The following P4HA2 variants were observed in gnomAD, a reference collection of about 807,000 sequenced individuals.
P4HA2 encodes prolyl 4-hydroxylase subunit alpha-2.
P4HA2 carries 46 observed loss-of-function variants against 76.9 expected under a neutral mutation model. The ratio of observed to expected loss-of-function variants is 0.60; its 90% CI spans 0.47 to 0.76. The LOEUF (loss-of-function observed/expected upper bound fraction) is 0.76. P4HA2 is among the 30% of genes least tolerant of loss of function. P4HA2 has a pLI of 0.00. For synonymous variants in P4HA2, 243 were observed against 254.0 expected, an observed-to-expected ratio of 0.96 and a Z score of 0.41; for missense variants, 583 against 669.4, an observed-to-expected ratio of 0.87 and a Z score of 1.42.
In P4HA2 at chr5:132,192,659, A is replaced by G. The variant is rs150381775; in HGVS notation, c.*351T>C. The G allele has an allele frequency of 4.9e-6, 1 of 202,610 alleles. No homozygotes were observed. Among genetic ancestry groups the G allele is most frequent in the African/African-American group, 2.3e-5 (1 of 43,768 alleles). 12.6% of individuals were successfully genotyped at this position (202,610 alleles called of 1,614,324 possible). On this transcript the variant is annotated 3_prime_UTR_variant, in exon 15 of 15. Coordinates refer to ENST00000360568, the MANE Select transcript of P4HA2 (RefSeq NM_001017974.2). ...TTATTTTTTGGTAAAGCCACAATAG[A>G]TAGAAATGCCATAAAAACAAACATG...
intron 5 of P4HA2, 37 bp downstream of exon 5, chr5:132,213,879 A>C: frequency 6.2e-7 from 1 of 1,608,570 alleles, no homozygotes; most frequent in Non-Finnish European, 8.5e-7. Context: ...CTAAAGAGAC[A>C]CATGCGGGAC....
At chr5:132,201,045 C>G (rs1212891125) in intron 10 of P4HA2, 1 of 152,236 alleles carries the variant, frequency 6.6e-6, no homozygotes, top group African/African-American at 2.4e-5. Context: ...TAACAAGAAA[C>G]TGTACGTCAA....
At chr5:132,221,835 A>C (rs1754688641) in intron 1 of P4HA2, among the ~76,000 whole-genome samples, 1 of 152,242 alleles carries the variant, frequency 6.6e-6, no homozygotes, top group Non-Finnish European at 1.5e-5. Context: ...CCCCCACAGG[A>C]AAGTCCTGCA....
chr5:132,204,282 T>C, intron 8 of P4HA2, 130 bp from the exon 9 acceptor site: 2 of 738,900 alleles, frequency 2.7e-6, no homozygotes, highest in Non-Finnish European at 4.7e-6. Context: ...CCAATGGCTC[T>C]AGCCAAGGCC....
chr5:132,226,674 G>A (rs915533399), intron 1 of P4HA2: 3 of 152,246 alleles, frequency 2.0e-5, no homozygotes, highest in Non-Finnish European at 4.4e-5. Flanking sequence ...AAGTCAAATA[G>A]AATACAAAGG....
intron 1 of P4HA2, among the ~76,000 whole-genome samples, chr5:132,226,047 GC>G (rs138941287): frequency 0.013 from 1,909 of 152,304 alleles, 41 homozygotes; most frequent in African/African-American, 0.044. Context: ...GTGGGGAGAA[GC>G]AACCAGAGAG....
At position 132,210,364 on chromosome 5, in the gene P4HA2, A is replaced by G. The variant is rs1159395285; in HGVS notation, c.629T>C (p.Leu210Pro). The G allele has an allele frequency of 6.2e-7, 1 of 1,614,140 alleles. No individual in the cohort carries two copies. ...EEATTTKSQV[L>P]DYLSYAVFQL... ...GAAGACAGCATAGCTGAGGTAGTCC[A>G]GCACCTGTGACTTGGTTGTGGTGGC... The change falls in exon 6 of 15, where the codon CTG becomes CCG. Residue 210 changes from leucine to proline, a missense_variant. Leu to Pro is a moderately conservative substitution (Grantham distance 98, BLOSUM62 -3). Coordinates refer to ENST00000360568, the MANE Select transcript of P4HA2 (RefSeq NM_001017974.2).
intron 12 of P4HA2, among the ~76,000 whole-genome samples, chr5:132,196,609 C>G (rs1421132847): frequency 6.6e-6 from 1 of 152,180 alleles, no homozygotes; most frequent in East Asian, 1.9e-4. Flanking sequence ...GCCTGTAATG[C>G]CAGCACTTTG....
At chr5:132,223,204 T>C (rs1754872453) in intron 1 of P4HA2, among the ~76,000 whole-genome samples, 1 of 152,300 alleles carries the variant, frequency 6.6e-6, no homozygotes, top group South Asian at 2.1e-4. Context: ...ACCAAGTACA[T>C]CTCTGTGCAG....
At chr5:132,209,913 C>T (rs923864247) in intron 6 of P4HA2, among the ~76,000 whole-genome samples, 1 of 152,160 alleles carries the variant, frequency 6.6e-6, no homozygotes, top group Non-Finnish European at 1.5e-5. Context: ...AGCACCGCTA[C>T]TGTTTGTCAC....
chr5:132,224,329 C>T, intron 1 of P4HA2, among the ~76,000 whole-genome samples: 1 of 152,212 alleles, frequency 6.6e-6, no homozygotes, highest in Non-Finnish European at 1.5e-5. Context: ...AGAGACAATA[C>T]TAGGACCTAT....
intron 1 of P4HA2, among the ~76,000 whole-genome samples, chr5:132,226,130 GC>G (rs1755367054): frequency 6.6e-6 from 1 of 152,190 alleles, no homozygotes; most frequent in African/African-American, 2.4e-5. Context: ...TTAAGTACAA[GC>G]CAAAGGAAAT....
chr5:132,204,304 C>A, intron 8 of P4HA2, 152 bp from the exon 9 acceptor site: 1 of 664,678 alleles, frequency 1.5e-6, no homozygotes, highest in Admixed American at 2.4e-5. Context: ...CAAGATCCTG[C>A]AGGCCAGTTG....
rs1754048407 is a variant in P4HA2, at chr5:132,217,321, A to G, written c.207T>C (p.Thr69=). 4 of 1,614,166 alleles carry G rather than the reference A, an allele frequency of 2.5e-6. No homozygotes were observed. Among genetic ancestry groups the G allele is most frequent in the Non-Finnish European group, 3.4e-6 (4 of 1,179,996 alleles). ...CCTCAGCATCAGCAGCTGACTTGCT[A>G]GTCAAGGCTTCCATTTTGTTGGCCC... The part of the protein sequence containing the change: ...KSWANKMEAL[T]SKSAADAEGY... The change falls in exon 4 of 15, where the codon ACT becomes ACC. Residue 69 remains threonine, a synonymous_variant. Coordinates refer to ENST00000360568, the MANE Select transcript of P4HA2 (RefSeq NM_001017974.2).
rs185458458 is a variant in P4HA2 at position 132,195,139 on chromosome 5, G to T, written c.1435-117C>A. 1.5e-3 allele frequency: 1,091 copies of T among 733,158 alleles called. 3 individuals are homozygous for T. The highest frequency in any genetic ancestry group is 2.3e-3 in the Non-Finnish European group (932 of 412,372). The allele number at this position is 733,158 out of a possible 1,614,324, so 45.4% of individuals were successfully genotyped here. ...AAACACCCTCATTTTCCCATGGACA[G>T]GGGATAGGGCTCTGGGACTCCAGCA... On this transcript the variant is annotated intron_variant, in intron 13 of 14. Coordinates refer to ENST00000360568, the MANE Select transcript of P4HA2 (RefSeq NM_001017974.2).
chr5:132,226,346 G>A (rs1401924107), intron 1 of P4HA2, among the ~76,000 whole-genome samples: 1 of 152,168 alleles, frequency 6.6e-6, no homozygotes, highest in African/African-American at 2.4e-5. Context: ...CCTACAAGAG[G>A]GCTGGGGCTG....
At chr5:132,198,967 G>A in intron 10 of P4HA2, 35 bp from the exon 11 acceptor site, 1 of 1,419,244 alleles carries the variant, frequency 7.0e-7, no homozygotes, top group African/African-American at 1.4e-5. Flanking sequence ...CTTGTAAGCA[G>A]CATGAACAGC....
At position 132,210,508 on chromosome 5, in the gene P4HA2, G is replaced by A; in HGVS notation, c.485C>T (p.Ala162Val). The change falls in exon 6 of 15, where the codon GCA (alanine) becomes GTA (valine). Residue 162 changes from alanine to valine, a missense_variant. Coordinates refer to ENST00000360568, the MANE Select transcript of P4HA2 (RefSeq NM_001017974.2). Reference sequence around the variant, plus strand: ...AAAGCAGTCATCCACACTCAGCATTGCCTGGTACTTGGTTCCTACAGCAGG... The same window carrying A: ...AAAGCAGTCATCCACACTCAGCATTACCTGGTACTTGGTTCCTACAGCAGG... Reference protein sequence around the residue: ...RGELPGTKYQAMLSVDDCFGM... With the variant: ...RGELPGTKYQVMLSVDDCFGM... 1.2e-6 allele frequency: 2 copies of A among 1,614,000 alleles called. No individual in the cohort carries two copies. Among genetic ancestry groups the A allele is most frequent in the East Asian group, 4.5e-5 (2 of 44,880 alleles).
intron 1 of P4HA2, among the ~76,000 whole-genome samples, chr5:132,221,201 A>G (rs185035307): frequency 1.4e-4 from 22 of 152,350 alleles, no homozygotes; most frequent in Admixed American, 5.9e-4. Context: ...GTGCCCCTAC[A>G]AAGTGTCCAG....
Sources: gnomAD v4.1 joint callset for allele counts (sites outside exome capture counted in the v4.1 genomes callset) on GRCh38, gnomAD v4.1.1 for gene constraint, MANE v1.5 for transcripts, NCBI Gene and HGNC (gene_info 2026-07-23, HGNC 2026-07-21) for gene names.